Variants in TGFA observed in about 807,000 individuals in gnomAD.
TGFA encodes protransforming growth factor alpha.
Under a neutral mutation model 21.7 loss-of-function variants are expected in TGFA, and 12 were observed. The ratio of observed to expected loss-of-function variants is 0.55; its 90% CI spans 0.35 to 0.90. TGFA has a LOEUF of 0.90. Ranked by LOEUF, TGFA falls within the 40% of genes least tolerant of loss-of-function variation. The probability of loss-of-function intolerance (pLI) is 0.01; values close to 1 mark genes in which losing one functional copy is unlikely to be tolerated. For synonymous variants in TGFA, 79 were observed against 88.1 expected, an observed-to-expected ratio of 0.90 and a Z score of 0.58; for missense variants, 178 against 210.8, an observed-to-expected ratio of 0.84 and a Z score of 0.96.
intron 1 of TGFA, among the ~76,000 whole-genome samples, chr2:70,516,094 A>G (rs1672268039): frequency 6.6e-6 from 1 of 152,210 alleles, no homozygotes; most frequent in Non-Finnish European, 1.5e-5. Context: ...CAACCTTCCA[A>G]TGAAGAAGGA....
At chr2:70,515,212 TTATAAA>T (rs1672235119) in intron 1 of TGFA, among the ~76,000 whole-genome samples, 1 of 152,260 alleles carries the variant, frequency 6.6e-6, no homozygotes, top group South Asian at 2.1e-4. Flanking sequence ...TCTTAACACC[TTATAAA>T]TATATATTTT....
At chr2:70,455,343 A>C (rs1338856790) in intron 4 of TGFA, among the ~76,000 whole-genome samples, 2 of 152,180 alleles carry the variant, frequency 1.3e-5, no homozygotes, top group Non-Finnish European at 2.9e-5. Flanking sequence ...CCAAAGGGAC[A>C]GTTTGTTTAT....
intron 1 of TGFA, among the ~76,000 whole-genome samples, chr2:70,517,521 C>G (rs74597128): frequency 0.015 from 2,229 of 152,282 alleles, 22 homozygotes; most frequent in Non-Finnish European, 0.021. Flanking sequence ...CTTACTTAGT[C>G]CTTATAACAA....
intron 2 of TGFA, among the ~76,000 whole-genome samples, chr2:70,493,355 C>A (rs1410402267): frequency 1.3e-5 from 2 of 152,144 alleles, no homozygotes; most frequent in Non-Finnish European, 2.9e-5. Context: ...GACACTATAG[C>A]TTCAAACTTC....
intron 2 of TGFA, among the ~76,000 whole-genome samples, chr2:70,494,210 G>T (rs1671513134): frequency 6.6e-6 from 1 of 151,964 alleles, no homozygotes. Flanking sequence ...CTCTTATAAA[G>T]GTCTTGTGGT....
At chr2:70,475,764 CTG>C (rs1553494164) in intron 2 of TGFA, among the ~76,000 whole-genome samples, 1 of 152,108 alleles carries the variant, frequency 6.6e-6, no homozygotes, top group African/African-American at 2.4e-5. Context: ...AAACCAGAGA[CTG>C]TATCCATCCA....
chr2:70,540,500 G>C (rs1302515930), intron 1 of TGFA, among the ~76,000 whole-genome samples: 3 of 152,082 alleles, frequency 2.0e-5, no homozygotes, highest in African/African-American at 7.2e-5. Context: ...AGGCAAGTTA[G>C]ATGTTTACCC....
At chr2:70,513,164 C>T (rs181098576) in intron 2 of TGFA, among the ~76,000 whole-genome samples, 2 of 152,296 alleles carry the variant, frequency 1.3e-5, no homozygotes, top group Admixed American at 6.5e-5. Context: ...CCCCAACTGG[C>T]CCAGTGTCCA....
rs111836566 is a variant in TGFA, at chr2:70,484,819, T to C, written c.95-19083A>G. Among the ~76,000 whole-genome samples, 86 of 152,332 alleles carry C rather than the reference T, an allele frequency of 5.6e-4. 1 individual carries two copies. The highest frequency in any genetic ancestry group is 2.0e-3 in the African/African-American group (85 of 41,572). On this transcript the variant is annotated intron_variant, in intron 2 of 5. Transcript: ENST00000295400. ...CAGCTTTCCCACAGATTCTGTGTGC[T>C]CCCAACAGCCTTCCAACAAAGTTGC...
At chr2:70,481,463 T>A (rs147091391) in intron 2 of TGFA, among the ~76,000 whole-genome samples, 15 of 152,204 alleles carry the variant, frequency 9.9e-5, no homozygotes, top group African/African-American at 3.6e-4. Context: ...ACAGAATAAG[T>A]CTCCCTCTTC....
chr2:70,536,367 A>G (rs978546621), intron 1 of TGFA, among the ~76,000 whole-genome samples: 1 of 152,232 alleles, frequency 6.6e-6, no homozygotes, highest in African/African-American at 2.4e-5. Context: ...CAGTAAGGAC[A>G]TAGTTGAGCT....
intron 1 of TGFA, among the ~76,000 whole-genome samples, chr2:70,547,744 A>G (rs1673354414): frequency 1.5e-5 from 2 of 136,102 alleles, no homozygotes; most frequent in African/African-American, 5.2e-5. Flanking sequence ...ACTATATTAT[A>G]TATATAGATA....
intron 1 of TGFA, among the ~76,000 whole-genome samples, chr2:70,544,841 C>G (rs1485040002): frequency 6.6e-6 from 1 of 152,002 alleles, no homozygotes; most frequent in East Asian, 1.9e-4. Flanking sequence ...CTCATGGAGA[C>G]AGAGTCGAAT....
chr2:70,518,667 A>T (rs1041418091), intron 1 of TGFA, among the ~76,000 whole-genome samples: 4 of 152,342 alleles, frequency 2.6e-5, no homozygotes, highest in African/African-American at 9.6e-5. Flanking sequence ...AATTCTGCAC[A>T]GATACCCAGG....
intron 2 of TGFA, among the ~76,000 whole-genome samples, chr2:70,471,630 A>T (rs1553493293): frequency 1.3e-5 from 2 of 152,172 alleles, no homozygotes; most frequent in Non-Finnish European, 2.9e-5. Context: ...GGCTATTCCT[A>T]TGAGAGGCAC....
chr2:70,501,519 G>T (rs1315371871), intron 2 of TGFA, among the ~76,000 whole-genome samples: 1 of 152,090 alleles, frequency 6.6e-6, no homozygotes, highest in Non-Finnish European at 1.5e-5. Context: ...ACAAGAAAGA[G>T]AGAAAGTCAA....
intron 3 of TGFA, among the ~76,000 whole-genome samples, chr2:70,465,060 C>CT (rs1670510883): frequency 6.6e-6 from 1 of 152,226 alleles, no homozygotes; most frequent in Non-Finnish European, 1.5e-5. Context: ...GAGAAGCCCC[C>CT]CAAGGAGGAT....
intron 2 of TGFA, among the ~76,000 whole-genome samples, chr2:70,490,733 T>C (rs1671411145): frequency 6.6e-6 from 1 of 152,128 alleles, no homozygotes; most frequent in Non-Finnish European, 1.5e-5. Context: ...AACTCATAGG[T>C]GAGTTATGAA....
intron 2 of TGFA, among the ~76,000 whole-genome samples, chr2:70,507,155 C>T (rs1359906550): frequency 1.3e-5 from 2 of 152,216 alleles, no homozygotes; most frequent in Admixed American, 1.3e-4. Context: ...TAGAAACAGC[C>T]GTACTGCCTG....
Sources: allele counts gnomAD v4.1 joint callset (sites outside exome capture counted in the v4.1 genomes callset), GRCh38; gene constraint gnomAD v4.1.1; transcripts MANE v1.5; gene names NCBI Gene and HGNC (gene_info 2026-07-23, HGNC 2026-07-21).